The following CFAP161 variants were observed in gnomAD, a reference collection of about 807,000 sequenced individuals.
CFAP161 encodes the protein cilia and flagella associated protein 161.
CFAP161 carries 25 observed loss-of-function variants against 29.0 expected under a neutral mutation model. The observed-to-expected ratio is 0.86, with a 90% CI of 0.63 to 1.20. The LOEUF (loss-of-function observed/expected upper bound fraction) is 1.20. Among genes scored for constraint, CFAP161 ranks in the 50% most tolerant of loss-of-function variants. CFAP161 has a pLI of 0.00. For synonymous variants in CFAP161, 116 were observed against 137.4 expected (o/e 0.84, Z 1.09); for missense variants, 367 against 371.9 (o/e 0.99, Z 0.11).
At chr15:81,141,763 C>A (rs1894913532) in intron 4 of CFAP161, among the ~76,000 whole-genome samples, 1 of 151,774 alleles carries the variant, frequency 6.6e-6, no homozygotes, top group South Asian at 2.1e-4. Flanking sequence ...CGGCTCACTG[C>A]AGCCTCTGCC....
chr15:81,133,210 TATATATATATATA>T (rs1184258736), upstream of CFAP161, among the ~76,000 whole-genome samples: 202 of 54,436 alleles, frequency 3.7e-3, 7 homozygotes, highest in Middle Eastern at 0.016. Flanking sequence ...TATATATATA[TATATATATATATA>T]TGTATTTTTT....
exon 2 of CFAP161, chr15:81,127,645 AGAG>A (rs66548829): frequency 0.57 from 86,604 of 151,690 alleles, 25,949 homozygotes; most frequent in Non-Finnish European, 0.68. Context: ...TACCAAAAGA[AGAG>A]GAGGGGCTCA....
chr15:81,120,765 T>C (rs929719314), intron 1 of CFAP161, among the ~76,000 whole-genome samples: 2 of 152,220 alleles, frequency 1.3e-5, no homozygotes, highest in African/African-American at 2.4e-5. Context: ...GTTGAACTTA[T>C]ATAAATCTGA....
Position 81,136,686 on chromosome 15 carries a change from C to T in CFAP161, c.330C>T (p.Pro110=). The change falls in exon 3 of 7, where the codon CCC becomes CCT. Residue 110 remains proline, a synonymous_variant. Transcript: ENST00000286732. ...ATCTGAAAGACGAATTAGAGGTACC[C>T]TGTGGCCTGAGCGCAGTTCAAGCCA... ...QSHLKDELEV[P]CGLSAVQAKT... 6.2e-7 allele frequency: 1 copy of T among 1,614,140 alleles called. No homozygotes were observed. The highest frequency in any genetic ancestry group is 8.5e-7 in the Non-Finnish European group (1 of 1,180,016).
intron 1 of CFAP161, among the ~76,000 whole-genome samples, chr15:81,107,044 T>C (rs1894381228): frequency 6.6e-6 from 1 of 152,084 alleles, no homozygotes; most frequent in African/African-American, 2.4e-5. Flanking sequence ...CCAGCCTAAA[T>C]ACAGCAAGAC....
chr15:81,111,663 C>T (rs1336997627), intron 1 of CFAP161, among the ~76,000 whole-genome samples: 1 of 152,206 alleles, frequency 6.6e-6, no homozygotes, highest in Non-Finnish European at 1.5e-5. Context: ...ATCATCTCCC[C>T]TCTGCCTCTC....
At chr15:81,104,380 T>C (rs1180998004) in intron 1 of CFAP161, among the ~76,000 whole-genome samples, 1 of 152,174 alleles carries the variant, frequency 6.6e-6, no homozygotes, top group Non-Finnish European at 1.5e-5. Flanking sequence ...CATGGGGCAG[T>C]AGGGACTGCT....
chr15:81,139,174 G>A (rs1300099608), intron 4 of CFAP161, among the ~76,000 whole-genome samples: 3 of 151,978 alleles, frequency 2.0e-5, no homozygotes, highest in South Asian at 2.1e-4. Context: ...GTATGGTGAC[G>A]CGCTCCTGTA....
chr15:81,111,182 G>GT (rs1283021106), intron 1 of CFAP161, among the ~76,000 whole-genome samples: 1 of 152,146 alleles, frequency 6.6e-6, no homozygotes, highest in African/African-American at 2.4e-5. Context: ...CCTTACACAT[G>GT]TAACTACTTG....
chr15:81,110,895 C>A (rs1010927136), intron 1 of CFAP161, among the ~76,000 whole-genome samples: 4 of 152,132 alleles, frequency 2.6e-5, no homozygotes, highest in African/African-American at 9.7e-5. Context: ...GATATTCTTT[C>A]CCCCAGGGGT....
intron 3 of CFAP161, among the ~76,000 whole-genome samples, chr15:81,137,754 A>G (rs951240414): frequency 2.0e-5 from 3 of 152,298 alleles, no homozygotes; most frequent in East Asian, 3.9e-4. Flanking sequence ...AATGCACTTG[A>G]CCAGAATTCC....
rs968077523 is a variant in CFAP161, at chr15:81,138,169, A to T, written c.477+34A>T. 11 of 1,541,484 alleles carry T rather than the reference A, an allele frequency of 7.1e-6. No homozygotes were observed. The Admixed American group carries it at 1.8e-4, about 26-fold the overall frequency. ...TCACTTTGCATATCTACTTTGGATCAGTCATTTCTGTTGCCCAAAATGGGA... is the reference window on the plus strand; with the variant it reads ...TCACTTTGCATATCTACTTTGGATCTGTCATTTCTGTTGCCCAAAATGGGA... On this transcript the variant is annotated intron_variant, in intron 4 of 6. Transcript: ENST00000286732.
chr15:81,110,362 GAT>G (rs1482525974), intron 1 of CFAP161, among the ~76,000 whole-genome samples: 3 of 152,020 alleles, frequency 2.0e-5, no homozygotes, highest in Admixed American at 6.6e-5. Flanking sequence ...TATGTTTTTT[GAT>G]ATCTAGAATA....
At chr15:81,118,038 GT>G in intron 1 of CFAP161, 1 of 506,690 alleles carries the variant, frequency 2.0e-6, no homozygotes, top group Admixed American at 2.8e-5. Context: ...AGTTAAAGAG[GT>G]CCAGGCTTTT....
intron 1 of CFAP161, among the ~76,000 whole-genome samples, chr15:81,102,136 G>A (rs1377739127): frequency 2.6e-5 from 4 of 152,198 alleles, no homozygotes; most frequent in Non-Finnish European, 5.9e-5. Context: ...GTGCCAAGTA[G>A]TGCAAATTTG....
intron 1 of CFAP161, among the ~76,000 whole-genome samples, chr15:81,120,508 C>G (rs1280261437): frequency 2.0e-5 from 3 of 152,196 alleles, no homozygotes; most frequent in Non-Finnish European, 4.4e-5. Flanking sequence ...TGGTTCCCAC[C>G]TGTAATCCCA....
At chr15:81,129,136 A>G (rs1213603414) in intron 2 of CFAP161, among the ~76,000 whole-genome samples, 1 of 148,720 alleles carries the variant, frequency 6.7e-6, no homozygotes, top group East Asian at 2.0e-4. Context: ...TAATATTTTG[A>G]AAGAAATCTT....
At chr15:81,113,445 G>A (rs1258025911) in intron 1 of CFAP161, among the ~76,000 whole-genome samples, 2 of 152,132 alleles carry the variant, frequency 1.3e-5, no homozygotes, top group African/African-American at 2.4e-5. Context: ...GGTTTTACAA[G>A]ACTGCCTTCA....
intron 5 of CFAP161, among the ~76,000 whole-genome samples, chr15:81,147,498 T>A (rs1895029097): frequency 6.6e-6 from 1 of 152,172 alleles, no homozygotes; most frequent in South Asian, 2.1e-4. Context: ...CAAACCCAGA[T>A]GGCATAGCCT....
Sources: allele counts gnomAD v4.1 joint callset (sites outside exome capture counted in the v4.1 genomes callset), GRCh38; gene constraint gnomAD v4.1.1; transcripts MANE v1.5; gene names NCBI Gene and HGNC (gene_info 2026-07-23, HGNC 2026-07-21).